Variants in ADD3 observed in about 807,000 individuals in gnomAD.
ADD3 encodes the protein gamma-adducin.
A neutral mutation model predicts 80.2 loss-of-function variants in ADD3; 25 were observed. That is an observed-to-expected ratio of 0.31 (90% CI 0.23 to 0.44). ADD3 has a LOEUF of 0.44. ADD3 is among the 20% of genes least tolerant of loss of function. The pLI is 1.00. For missense variants in ADD3, 829 were observed against 847.5 expected (o/e 0.98, Z 0.27); for synonymous variants, 284 against 289.6 (o/e 0.98, Z 0.20).
chr10:110,011,332 C>T (rs1358126993), intron 1 of ADD3, among the ~76,000 whole-genome samples: 1 of 152,228 alleles, frequency 6.6e-6, no homozygotes, highest in Non-Finnish European at 1.5e-5. Flanking sequence ...CATTCACATT[C>T]CTCAAGGAAC....
rs900550546 is a variant in ADD3, at chr10:110,130,554, T to G, written c.1732+68T>G. On this transcript the variant is annotated intron_variant, in intron 13 of 14. Coordinates refer to ENST00000356080, the MANE Select transcript of ADD3 (RefSeq NM_016824.5). ...TAACAATAAAGTACCTCACGTTGGA[T>G]GATAGAAAGCAGTCAGTGTGGCCGG... 16 of 1,550,578 alleles carry G rather than the reference T, an allele frequency of 1.0e-5. No individual in the cohort carries two copies. In the Middle Eastern group the frequency reaches 5.1e-4, roughly 50 times the overall value.
At chr10:110,071,369 A>G (rs1224783905) in intron 1 of ADD3, among the ~76,000 whole-genome samples, 1 of 152,224 alleles carries the variant, frequency 6.6e-6, no homozygotes. Context: ...AGTAATGTAT[A>G]CTTAAATTTA....
chr10:110,046,522 C>T (rs1472108135), intron 1 of ADD3, among the ~76,000 whole-genome samples: 4 of 151,142 alleles, frequency 2.6e-5, no homozygotes, highest in African/African-American at 9.8e-5. Flanking sequence ...GGATCAAAAG[C>T]TTTGAAGGAT....
At chr10:110,107,217 T>G (rs764831556) in intron 2 of ADD3, among the ~76,000 whole-genome samples, 16 of 152,040 alleles carry the variant, frequency 1.1e-4, no homozygotes, top group Non-Finnish European at 2.2e-4. Flanking sequence ...ACCCTAAGTA[T>G]AGTATAGGGA....
chr10:110,044,271 T>C (rs1329731043), intron 1 of ADD3, among the ~76,000 whole-genome samples: 2 of 152,220 alleles, frequency 1.3e-5, no homozygotes, highest in Non-Finnish European at 2.9e-5. Context: ...AATGAAACTT[T>C]ATAGATTGAT....
intron 1 of ADD3, among the ~76,000 whole-genome samples, chr10:110,022,333 T>A (rs1379130025): frequency 1.3e-5 from 2 of 151,430 alleles, no homozygotes; most frequent in Admixed American, 1.3e-4. Context: ...TTCCCAATAA[T>A]TTTTTTTAGC....
chr10:110,113,744 G>C (rs752133489), intron 3 of ADD3, among the ~76,000 whole-genome samples: 4 of 152,206 alleles, frequency 2.6e-5, no homozygotes, highest in Admixed American at 6.5e-5. Flanking sequence ...TGAACTGGGA[G>C]ATTTCATAGT....
intron 1 of ADD3, among the ~76,000 whole-genome samples, chr10:110,052,690 G>A (rs1857659381): frequency 6.6e-6 from 1 of 152,176 alleles, no homozygotes; most frequent in Admixed American, 6.5e-5. Context: ...ATAAAGATAC[G>A]TGGTTACTTT....
At chr10:110,124,919 G>T (rs1029623451) in intron 10 of ADD3, among the ~76,000 whole-genome samples, 2 of 152,120 alleles carry the variant, frequency 1.3e-5, no homozygotes, top group Non-Finnish European at 2.9e-5. Flanking sequence ...AACATTATGA[G>T]AATTTTTTGT....
At chr10:110,065,594 C>T (rs1370954183) in intron 1 of ADD3, among the ~76,000 whole-genome samples, 5 of 116,484 alleles carry the variant, frequency 4.3e-5, no homozygotes, top group African/African-American at 8.7e-5. Flanking sequence ...GGCTGGAGTA[C>T]AGTGGCTCGA....
At chr10:110,011,753 A>G (rs1377977601) in intron 1 of ADD3, among the ~76,000 whole-genome samples, 1 of 152,250 alleles carries the variant, frequency 6.6e-6, no homozygotes, top group Non-Finnish European at 1.5e-5. Context: ...CTGTCATGTC[A>G]TTGAGATTCA....
At chr10:110,009,083 G>A (rs1852012042) in intron 1 of ADD3, among the ~76,000 whole-genome samples, 2 of 152,118 alleles carry the variant, frequency 1.3e-5, no homozygotes, top group African/African-American at 4.8e-5. Flanking sequence ...TTGTTGCAGA[G>A]ATTTAATTGC....
intron 1 of ADD3, among the ~76,000 whole-genome samples, chr10:110,091,544 A>C (rs1172905307): frequency 6.6e-6 from 1 of 152,176 alleles, no homozygotes; most frequent in Non-Finnish European, 1.5e-5. Flanking sequence ...AGGATTCCCT[A>C]TTCAATAAAT....
intron 4 of ADD3, 109 bp downstream of exon 4, chr10:110,116,519 C>G: frequency 9.1e-7 from 1 of 1,093,572 alleles, no homozygotes; most frequent in Non-Finnish European, 1.3e-6. Flanking sequence ...TTCTCTAAAC[C>G]TAGTATGCTA....
intron 1 of ADD3, among the ~76,000 whole-genome samples, chr10:110,034,472 A>G (rs1855415889): frequency 6.6e-6 from 1 of 151,692 alleles, no homozygotes. Flanking sequence ...AAAATAAAAT[A>G]TAATTATTTT....
Position 110,125,865 on chromosome 10 carries a change from A to G in ADD3, c.1441A>G (p.Thr481Ala). 1.2e-6 allele frequency: 2 copies of G among 1,610,568 alleles called. No individual in the cohort carries two copies. Among genetic ancestry groups the G allele is most frequent in the Non-Finnish European group, 1.7e-6 (2 of 1,177,542 alleles). The change falls in exon 11 of 15, where the codon ACA (threonine) becomes GCA (alanine). Residue 481 changes from threonine to alanine, a missense_variant. Coordinates refer to ENST00000356080, the MANE Select transcript of ADD3 (RefSeq NM_016824.5). ...AEDSSKVSGG[T>A]PIKIEDPNQF... The stretch of plus-strand genomic sequence containing the variant: ...AGACTCATCTAAAGTTAGTGGTGGA[A>G]CACCTATCAAAATTGAAGATCCAAA...
chr10:110,119,291 A>G lies in ADD3; in HGVS notation c.798A>G (p.Gln266=). ...LLGDVAYYDY[Q]GSLEEQEERI... is the part of the protein sequence containing the mutation. ...GAGATGTTGCCTATTATGACTACCAAGGGTCACTTGAAGAACAGGAGGAGA... is the reference window on the plus strand; with the variant it reads ...GAGATGTTGCCTATTATGACTACCAGGGGTCACTTGAAGAACAGGAGGAGA... The change falls in exon 7 of 15, where the codon CAA becomes CAG. Residue 266 remains glutamine (Q), a synonymous_variant. Transcript: ENST00000356080. 6.2e-7 allele frequency: 1 copy of G among 1,614,132 alleles called. No homozygotes were observed. The highest frequency in any genetic ancestry group is 8.5e-7 in the Non-Finnish European group (1 of 1,179,992).
chr10:110,037,537 G>A (rs561539348), intron 1 of ADD3, among the ~76,000 whole-genome samples: 5 of 151,054 alleles, frequency 3.3e-5, no homozygotes, highest in East Asian at 3.9e-4. Flanking sequence ...TCTAGGAGAC[G>A]GAGGTTGCAG....
intron 1 of ADD3, among the ~76,000 whole-genome samples, chr10:110,057,572 A>G (rs1317196211): frequency 2.0e-5 from 3 of 152,132 alleles, no homozygotes; most frequent in Admixed American, 6.5e-5. Flanking sequence ...TTTTGATTTA[A>G]ATGGTGTCGG....
Sources: gnomAD v4.1 joint callset for allele counts (sites outside exome capture counted in the v4.1 genomes callset) on GRCh38, gnomAD v4.1.1 for gene constraint, MANE v1.5 for transcripts, NCBI Gene and HGNC (gene_info 2026-07-23, HGNC 2026-07-21) for gene names.